Variants in GLMN observed in about 807,000 individuals in gnomAD.
The protein encoded by GLMN is glomulin, FKBP associated protein, also known as glomulin.
GLMN carries 75 observed loss-of-function variants against 87.8 expected under a neutral mutation model. The observed-to-expected ratio is 0.85, with a 90% CI of 0.71 to 1.04. GLMN has a LOEUF of 1.04. Among genes scored for constraint, GLMN ranks in the 50% least tolerant of loss-of-function variants. The pLI, the probability that GLMN is intolerant of heterozygous loss-of-function variation, is 0.00. For missense variants in GLMN, 588 were observed against 658.8 expected, an observed-to-expected ratio of 0.89 and a Z score of 1.18; for synonymous variants, 206 against 221.6, an observed-to-expected ratio of 0.93 and a Z score of 0.63.
At chr1:92,268,247 T>A in intron 9 of GLMN, 112 bp from the exon 10 acceptor site, 2 of 652,644 alleles carry the variant, frequency 3.1e-6, no homozygotes, top group Non-Finnish European at 5.5e-6. Context: ...AAAATGCATA[T>A]CATTAAGGAG....
the GLMN span, among the ~76,000 whole-genome samples, chr1:92,364,981 C>A: frequency 6.6e-6 from 1 of 152,186 alleles, no homozygotes; most frequent in African/African-American, 2.4e-5. Context: ...ACCTTATTTC[C>A]CTTTTATGTC....
At chr1:92,271,137 CAGTAATCCAGTGAA>C (rs1656194631) in intron 8 of GLMN, among the ~76,000 whole-genome samples, 1 of 152,186 alleles carries the variant, frequency 6.6e-6, no homozygotes, top group Non-Finnish European at 1.5e-5. Context: ...AGGATTACAG[CAGTAATCCAGTGAA>C]AAGATGATGA....
At chr1:92,258,761 G>A (rs1400599252) in intron 16 of GLMN, among the ~76,000 whole-genome samples, 1 of 152,074 alleles carries the variant, frequency 6.6e-6, no homozygotes, top group Non-Finnish European at 1.5e-5. Flanking sequence ...CAGGGTTCGG[G>A]GGCTAGGGGA....
the GLMN span, among the ~76,000 whole-genome samples, chr1:92,361,841 C>T: frequency 7.5e-6 from 1 of 133,748 alleles, no homozygotes; most frequent in Non-Finnish European, 1.6e-5. Flanking sequence ...CTTCCATGGA[C>T]GTAACTGTTT....
intron 16 of GLMN, among the ~76,000 whole-genome samples, chr1:92,254,592 G>A (rs529588902): frequency 1.3e-5 from 2 of 152,194 alleles, no homozygotes; most frequent in South Asian, 4.1e-4. Flanking sequence ...CTAGAAGCCA[G>A]AAGACAGTGG....
In GLMN at chr1:92,271,489, A is replaced by C; in HGVS notation, c.899T>G (p.Ile300Ser). 1.2e-6 allele frequency: 2 copies of C among 1,613,008 alleles called. No individual in the cohort carries two copies. Among genetic ancestry groups the C allele is most frequent in the Non-Finnish European group, 1.7e-6 (2 of 1,179,048 alleles). ...CCTTAAGACCATTGGAAGCTGATCA[A>C]TATGGATGCCCTGTACAAATACTAG... ...AYLVFVQGIH[I>S]DQLPMVLSPL... The change falls in exon 8 of 19, where the codon ATT becomes AGT. Residue 300 changes from isoleucine to serine, a missense_variant. Ile to Ser is a moderately radical substitution (Grantham distance 142). Transcript: ENST00000370360.
Position 92,266,473 on chromosome 1 carries a change from A to G in GLMN, c.1160T>C (p.Met387Thr). The G allele has an allele frequency of 3.2e-6, 5 of 1,569,018 alleles. No individual in the cohort carries two copies. The highest frequency in any genetic ancestry group is 4.4e-6 in the Non-Finnish European group (5 of 1,139,968). Residue 387 changes from methionine (M) to threonine (T), a missense_variant, in exon 13 of 19, where the codon ATG (methionine) becomes ACG (threonine). By Grantham distance (81) the Met-to-Thr change is moderately conservative. Transcript: ENST00000370360. The stretch of plus-strand genomic sequence containing the variant: ...CAACTTGTTAATATACAGCTGAAGC[A>G]TAGCTAAACTCTTTTTCCTCTAAAA... The part of the protein sequence containing the change: ...IETLRKKSLA[M>T]LQLYINKLDS...
the GLMN span, among the ~76,000 whole-genome samples, chr1:92,314,117 T>C: frequency 6.6e-6 from 1 of 152,238 alleles, no homozygotes; most frequent in Non-Finnish European, 1.5e-5. Context: ...GACTAGCATT[T>C]TAAATTTCCT....
At chr1:92,272,851 T>C (rs1656382392) in intron 7 of GLMN, among the ~76,000 whole-genome samples, 1 of 152,218 alleles carries the variant, frequency 6.6e-6, no homozygotes, top group South Asian at 2.1e-4. Context: ...AGAAAGCACC[T>C]ACCTTCAGAA....
At chr1:92,307,126 C>G in the GLMN span, 1 of 1,099,500 alleles carries the variant, frequency 9.1e-7, no homozygotes, top group South Asian at 1.4e-5. Flanking sequence ...TTTATACTCT[C>G]AACTGTATGT....
At chr1:92,250,190 A>G (rs904413915) in intron 16 of GLMN, among the ~76,000 whole-genome samples, 1 of 152,114 alleles carries the variant, frequency 6.6e-6, no homozygotes, top group African/African-American at 2.4e-5. Flanking sequence ...ACATTTTATC[A>G]TATTTACTTT....
At chr1:92,305,382 G>A in the GLMN span, among the ~76,000 whole-genome samples, 2 of 133,524 alleles carry the variant, frequency 1.5e-5, no homozygotes, top group African/African-American at 5.9e-5. Context: ...GCAGTGAGCC[G>A]AGATCGCACC....
At chr1:92,303,736 TGCAGAGAC>T (rs945798275), upstream of GLMN, among the ~76,000 whole-genome samples, 1 of 152,236 alleles carries the variant, frequency 6.6e-6, no homozygotes. Flanking sequence ...TCTACAAAGA[TGCAGAGAC>T]TACTGTGGCA....
the GLMN span, chr1:92,346,011 G>A: frequency 8.6e-6 from 7 of 814,588 alleles, no homozygotes; most frequent in Non-Finnish European, 2.0e-6. Context: ...AACTGCCTTG[G>A]AAAATATCAT....
At chr1:92,256,837 ACTG>A (rs1307328572) in intron 16 of GLMN, among the ~76,000 whole-genome samples, 1 of 152,202 alleles carries the variant, frequency 6.6e-6, no homozygotes, top group East Asian at 1.9e-4. Flanking sequence ...CCCTTTGAAA[ACTG>A]GCACAAGACA....
intron 7 of GLMN, among the ~76,000 whole-genome samples, chr1:92,272,010 G>A (rs1260312826): frequency 2.9e-4 from 44 of 152,108 alleles, no homozygotes; most frequent in Admixed American, 2.9e-3. Context: ...AAAGAACTAA[G>A]CTGCCATGTT....
chr1:92,271,699 T>C (rs371876009), intron 7 of GLMN, 47 bp from the exon 8 acceptor site: 397 of 1,281,690 alleles, frequency 3.1e-4, no homozygotes, highest in Non-Finnish European at 4.2e-4. Flanking sequence ...GACTCTAAAA[T>C]GCCCCCCACC....
chr1:92,314,097 G>A, the GLMN span, among the ~76,000 whole-genome samples: 1 of 152,136 alleles, frequency 6.6e-6, no homozygotes, highest in African/African-American at 2.4e-5. Flanking sequence ...TTGCTTTTTT[G>A]TGTTCACTGG....
At chr1:92,362,191 C>T in the GLMN span, among the ~76,000 whole-genome samples, 1 of 152,168 alleles carries the variant, frequency 6.6e-6, no homozygotes, top group Non-Finnish European at 1.5e-5. Context: ...AATTCAAGAT[C>T]CTGATCACCG....
Sources: gnomAD v4.1 joint callset for allele counts (sites outside exome capture counted in the v4.1 genomes callset) on GRCh38, gnomAD v4.1.1 for gene constraint, MANE v1.5 for transcripts, NCBI Gene and HGNC (gene_info 2026-07-23, HGNC 2026-07-21) for gene names.